SIPA1L1: variants seen among roughly 807,000 people sequenced by gnomAD.
The protein encoded by SIPA1L1 is signal induced proliferation associated 1 like 1.
A neutral mutation model predicts 162.7 loss-of-function variants in SIPA1L1; 26 were observed. That is an observed-to-expected ratio of 0.16 (90% confidence interval 0.12 to 0.22). SIPA1L1 has a LOEUF of 0.22. SIPA1L1 is among the 10% of genes least tolerant of loss of function. SIPA1L1 has a pLI of 1.00. For synonymous variants in SIPA1L1, 829 were observed against 837.4 expected (o/e 0.99, Z 0.17); for missense variants, 1,874 against 2,241.0 (o/e 0.84, Z 3.31).
intron 22 of SIPA1L1, 36 bp downstream of exon 22, chr14:71,735,427 G>C (rs1033326710): frequency 2.1e-6 from 3 of 1,396,336 alleles, no homozygotes; most frequent in Non-Finnish European, 3.0e-6. Context: ...TCTGCACCTT[G>C]TGTCACATCT....
At chr14:71,447,522 T>C (rs1463774911) in intron 2 of SIPA1L1, among the ~76,000 whole-genome samples, 1 of 151,842 alleles carries the variant, frequency 6.6e-6, no homozygotes. Flanking sequence ...TACTTTACTA[T>C]GGTTTACTTA....
intron 7 of SIPA1L1, among the ~76,000 whole-genome samples, chr14:71,649,715 A>C (rs1013501579): frequency 6.6e-6 from 1 of 152,160 alleles, no homozygotes; most frequent in Non-Finnish European, 1.5e-5. Flanking sequence ...CTCTGCAGAC[A>C]CTCATCCTTT....
chr14:71,442,385 G>A (rs1249105319), intron 2 of SIPA1L1, among the ~76,000 whole-genome samples: 2 of 152,008 alleles, frequency 1.3e-5, no homozygotes, highest in East Asian at 3.9e-4. Flanking sequence ...AGCATAAGAA[G>A]GTTTGCCAAA....
chr14:71,555,156 TCTC>T (rs1226852993), intron 4 of SIPA1L1, among the ~76,000 whole-genome samples: 1 of 152,228 alleles, frequency 6.6e-6, no homozygotes, highest in African/African-American at 2.4e-5. Flanking sequence ...GGCATTGACT[TCTC>T]CTCTGTAGCT....
chr14:71,619,667 G>A (rs1032927707), intron 6 of SIPA1L1, among the ~76,000 whole-genome samples: 4 of 151,918 alleles, frequency 2.6e-5, no homozygotes, highest in Admixed American at 6.6e-5. Context: ...TTCACTTTAG[G>A]ATTTTTGTTA....
intron 6 of SIPA1L1, among the ~76,000 whole-genome samples, chr14:71,620,150 A>G (rs1045630333): frequency 1.3e-5 from 2 of 152,170 alleles, no homozygotes; most frequent in Non-Finnish European, 2.9e-5. Context: ...GCTCACCGCA[A>G]CCTTTGTCTC....
rs2083983218 is a variant in SIPA1L1, at chr14:71,723,860, C to T, written c.4422C>T (p.Asn1474=). Residue 1474 remains asparagine, a synonymous_variant, in exon 18 of 24, where the codon AAC becomes AAT. Transcript: ENST00000381232. ...GGAAAAAACCCGAAGGAACCATAAA[C>T]TCCGTGGGATTTATGGACACGAGAA... is the stretch of plus-strand genomic sequence containing the variant. The part of the protein sequence containing the change: ...IGWKKPEGTI[N]SVGFMDTRKR... The T allele has an allele frequency of 3.7e-6, 6 of 1,614,216 alleles. No individual in the cohort carries two copies. The highest frequency in any genetic ancestry group is 1.6e-4 in the Middle Eastern group (1 of 6,062).
At chr14:71,356,080 C>G (rs2037212638) in intron 2 of SIPA1L1, among the ~76,000 whole-genome samples, 1 of 152,040 alleles carries the variant, frequency 6.6e-6, no homozygotes, top group African/African-American at 2.4e-5. Context: ...CAGGGTGCTG[C>G]AAACCAGGAA....
At chr14:71,326,211 CTTTT>C (rs964178060) in intron 2 of SIPA1L1, among the ~76,000 whole-genome samples, 14 of 142,368 alleles carry the variant, frequency 9.8e-5, no homozygotes, top group African/African-American at 3.1e-4. Flanking sequence ...CGACTTGCTT[CTTTT>C]TTTTTTTTTT....
chr14:71,633,441 G>A (rs2040806611), intron 7 of SIPA1L1, among the ~76,000 whole-genome samples: 1 of 152,114 alleles, frequency 6.6e-6, no homozygotes. Context: ...CAAAGTGCTG[G>A]GATTACAGGC....
intron 13 of SIPA1L1, among the ~76,000 whole-genome samples, chr14:71,696,181 G>A (rs1456987737): frequency 6.6e-6 from 1 of 152,154 alleles, no homozygotes; most frequent in Non-Finnish European, 1.5e-5. Flanking sequence ...GTGCCAGTGG[G>A]TGATTGGCCC....
At chr14:71,596,895 T>C (rs2036103105) in intron 5 of SIPA1L1, among the ~76,000 whole-genome samples, 1 of 152,224 alleles carries the variant, frequency 6.6e-6, no homozygotes, top group Admixed American at 6.5e-5. Flanking sequence ...AAGCAGTTGC[T>C]ATGTAGTTCT....
At chr14:71,430,306 C>T (rs762839434) in intron 2 of SIPA1L1, among the ~76,000 whole-genome samples, 10 of 151,932 alleles carry the variant, frequency 6.6e-5, no homozygotes, top group Non-Finnish European at 1.5e-4. Context: ...TCCTTTTGAT[C>T]TTTTAAGAAA....
chr14:71,373,631 T>TGGG (rs1342851482), intron 2 of SIPA1L1, among the ~76,000 whole-genome samples: 2 of 148,468 alleles, frequency 1.3e-5, no homozygotes. Flanking sequence ...GACTCCACCT[T>TGGG]GGGTGACAGA....
chr14:71,642,306 A>G (rs960851404), intron 7 of SIPA1L1, among the ~76,000 whole-genome samples: 1 of 152,146 alleles, frequency 6.6e-6, no homozygotes, highest in Non-Finnish European at 1.5e-5. Flanking sequence ...AGCCTCCCTG[A>G]TTGAGATTGA....
chr14:71,671,443 A>T lies in SIPA1L1; in HGVS notation c.2580A>T (p.Val860=). ...GAELSSMGAI[V]WAVRAEDYNK... Reference sequence around the variant, plus strand: ...AGCTCAGCAGCATGGGGGCCATTGTATGGGCAGTCCGGGCTGAAGACTACA... The same window carrying T: ...AGCTCAGCAGCATGGGGGCCATTGTTTGGGCAGTCCGGGCTGAAGACTACA... Residue 860 remains valine (V), a synonymous_variant, in exon 11 of 24, where the codon GTA becomes GTT. Coordinates refer to ENST00000381232, the MANE Select transcript of SIPA1L1 (RefSeq NM_001386936.1). 2 of 1,614,178 alleles carry T rather than the reference A, an allele frequency of 1.2e-6. No homozygotes were observed. The highest frequency in any genetic ancestry group is 1.7e-6 in the Non-Finnish European group (2 of 1,180,028).
intron 4 of SIPA1L1, among the ~76,000 whole-genome samples, chr14:71,532,313 A>C (rs147526085): frequency 9.1e-4 from 139 of 152,292 alleles, no homozygotes; most frequent in African/African-American, 3.2e-3. Flanking sequence ...GTGAACTGAT[A>C]TTACTCTTTT....
chr14:71,475,739 A>G (rs1373150218), intron 2 of SIPA1L1, among the ~76,000 whole-genome samples: 1 of 152,210 alleles, frequency 6.6e-6, no homozygotes, highest in Non-Finnish European at 1.5e-5. Flanking sequence ...TACATAGGAC[A>G]CAGCTGAAAA....
At chr14:71,652,145 C>T (rs1196792372) in intron 8 of SIPA1L1, among the ~76,000 whole-genome samples, 1 of 152,082 alleles carries the variant, frequency 6.6e-6, no homozygotes, top group African/African-American at 2.4e-5. Context: ...CTCTGAAGCC[C>T]CAAAGAAGAC....
Sources: allele counts gnomAD v4.1 joint callset (sites outside exome capture counted in the v4.1 genomes callset), GRCh38; gene constraint gnomAD v4.1.1; transcripts MANE v1.5; gene names NCBI Gene and HGNC (gene_info 2026-07-23, HGNC 2026-07-21).